RERE: variants seen among roughly 807,000 people sequenced by gnomAD.
The protein encoded by RERE is arginine-glutamic acid dipeptide repeats protein.
RERE carries 40 observed loss-of-function variants against 146.1 expected under a neutral mutation model. The ratio of observed to expected loss-of-function variants is 0.27; its 90% CI spans 0.21 to 0.36. The LOEUF (loss-of-function observed/expected upper bound fraction) is 0.36. Ranked by LOEUF, RERE falls within the 10% of genes least tolerant of loss-of-function variation. The probability of loss-of-function intolerance (pLI) is 1.00; values close to 1 mark genes in which losing one functional copy is unlikely to be tolerated. For synonymous variants in RERE, 1,003 were observed against 866.0 expected, an observed-to-expected ratio of 1.16 and a Z score of -2.78; for missense variants, 1,933 against 2,138.7, an observed-to-expected ratio of 0.90 and a Z score of 1.90.
intron 12 of RERE, among the ~76,000 whole-genome samples, chr1:8,391,270 G>A (rs1397089127): frequency 6.6e-6 from 1 of 152,096 alleles, no homozygotes; most frequent in Non-Finnish European, 1.5e-5. Context: ...GTACATACTT[G>A]GGTAAGTTAC....
intron 1 of RERE, among the ~76,000 whole-genome samples, chr1:8,737,708 T>TA (rs746809129): frequency 2.6e-5 from 4 of 152,070 alleles, no homozygotes; most frequent in Non-Finnish European, 5.9e-5. Flanking sequence ...AGTGCTAAGA[T>TA]AACAGGTGTG....
chr1:8,654,044 G>A (rs948318617), intron 2 of RERE, among the ~76,000 whole-genome samples: 3 of 148,998 alleles, frequency 2.0e-5, no homozygotes, highest in East Asian at 2.0e-4. Context: ...TTTTTTTTGC[G>A]GGGGGGAGGG....
Position 8,495,128 on chromosome 1 carries a change from C to T in RERE, c.1039G>A (p.Gly347Ser), listed in dbSNP as rs777632585. Reference protein sequence around the residue: ...MAAFAGMCDGGSTEDGCVAAS... With the variant: ...MAAFAGMCDGSSTEDGCVAAS... ...GCGACACAGCCGTCCTCTGTAGAGC[C>T]TCCATCACACATTCCTGCAAATGCC... The change falls in exon 10 of 23, where the codon GGC becomes AGC. Residue 347 changes from glycine (G) to serine (S), a missense_variant. Gly to Ser is a moderately conservative substitution (Grantham distance 56). Transcript: ENST00000400908. 1.2e-6 allele frequency: 2 copies of T among 1,613,950 alleles called. No individual in the cohort carries two copies. The highest frequency in any genetic ancestry group is 1.7e-6 in the Non-Finnish European group (2 of 1,179,880).
intron 10 of RERE, among the ~76,000 whole-genome samples, chr1:8,478,792 T>TA (rs1455050956): frequency 6.6e-6 from 1 of 152,198 alleles, no homozygotes; most frequent in Non-Finnish European, 1.5e-5. Context: ...GGGTCACTAA[T>TA]GAGCAACACC....
intron 11 of RERE, chr1:8,425,528 G>C (rs1474506734): frequency 6.6e-6 from 1 of 152,412 alleles, no homozygotes; most frequent in Admixed American, 6.5e-5. Context: ...GAGGTGGCTT[G>C]GTGACCGGGC....
At chr1:8,514,479 C>A (rs1645385192) in intron 7 of RERE, among the ~76,000 whole-genome samples, 2 of 152,154 alleles carry the variant, frequency 1.3e-5, no homozygotes, top group Non-Finnish European at 2.9e-5. Context: ...CCTGTAATCA[C>A]AGCATTTTGG....
intron 7 of RERE, among the ~76,000 whole-genome samples, chr1:8,509,442 G>A (rs60274621): frequency 0.032 from 4,658 of 147,550 alleles, 214 homozygotes; most frequent in African/African-American, 0.11. Flanking sequence ...CCATCCGTCC[G>A]TCCGTCCGTC....
At chr1:8,365,045 A>G (rs1461144369) in intron 13 of RERE, among the ~76,000 whole-genome samples, 1 of 152,242 alleles carries the variant, frequency 6.6e-6, no homozygotes, top group Admixed American at 6.5e-5. Context: ...GTCAGTCACC[A>G]GGACAGAGGG....
chr1:8,743,499 C>T (rs1223694432), intron 1 of RERE, among the ~76,000 whole-genome samples: 10 of 151,268 alleles, frequency 6.6e-5, no homozygotes, highest in Admixed American at 6.6e-4. Flanking sequence ...AACTCCTGGC[C>T]CCAAGGAATC....
chr1:8,721,310 C>CT (rs989494461), intron 1 of RERE, among the ~76,000 whole-genome samples: 14 of 151,972 alleles, frequency 9.2e-5, no homozygotes, highest in Non-Finnish European at 2.9e-5. Context: ...CCACTCAAGA[C>CT]TTTTTTATTA....
intron 1 of RERE, among the ~76,000 whole-genome samples, chr1:8,740,589 G>A (rs1042608753): frequency 2.0e-5 from 3 of 152,030 alleles, no homozygotes; most frequent in African/African-American, 4.8e-5. Flanking sequence ...AACACAACAC[G>A]AATACATTGT....
At chr1:8,442,853 A>G (rs952990355) in intron 11 of RERE, among the ~76,000 whole-genome samples, 6 of 152,308 alleles carry the variant, frequency 3.9e-5, no homozygotes, top group African/African-American at 1.4e-4. Flanking sequence ...CCAGGCTGAG[A>G]AGGTCTCAGA....
At position 8,553,694 on chromosome 1, in the gene RERE, T is replaced by C. The variant is rs576220032; in HGVS notation, c.725+2781A>G. 2.6e-5 allele frequency among the ~76,000 whole-genome samples: 4 copies of C among 152,318 alleles called. No individual in the cohort carries two copies. In the East Asian group the frequency reaches 7.7e-4, roughly 29 times the overall value. On this transcript the variant is annotated intron_variant, in intron 6 of 22. Transcript: ENST00000400908. ...AAAAAAAACTAATTAATGAGGATTA[T>C]AATTATATACCCAGTGAAAAGAAGA...
intron 1 of RERE, among the ~76,000 whole-genome samples, chr1:8,729,732 T>C (rs1270758215): frequency 6.6e-6 from 1 of 152,118 alleles, no homozygotes. Flanking sequence ...CTAAGGAGTG[T>C]GGGCTGGCTT....
At chr1:8,521,473 T>C (rs1645499829) in intron 7 of RERE, among the ~76,000 whole-genome samples, 1 of 152,138 alleles carries the variant, frequency 6.6e-6, no homozygotes, top group South Asian at 2.1e-4. Flanking sequence ...GAGACCTGCA[T>C]GCCTATTTTT....
At position 8,360,217 on chromosome 1, in the gene RERE, GCCT is replaced by G. The variant is rs943820825; in HGVS notation, c.3287_3289del (p.Glu1096del). 2 of 1,590,446 alleles carry G rather than the reference GCCT, an allele frequency of 1.3e-6. No individual in the cohort carries two copies. Among genetic ancestry groups the G allele is most frequent in the Non-Finnish European group, 8.6e-7 (1 of 1,169,552 alleles). The stretch of plus-strand genomic sequence containing the variant: ...CTCAGGCTCCTCAGCGTCGTCCAGA[GCCT>G]CCTCCTTGATCTGGACGGTGGGGAG... On this transcript the variant is annotated inframe_deletion, in exon 18 of 23. Transcript: ENST00000400908.
chr1:8,632,280 C>T (rs967907970), intron 2 of RERE, among the ~76,000 whole-genome samples: 3 of 152,298 alleles, frequency 2.0e-5, no homozygotes, highest in Non-Finnish European at 4.4e-5. Context: ...ACAAATTGCT[C>T]GTCTGATCTT....
intron 12 of RERE, among the ~76,000 whole-genome samples, chr1:8,421,797 T>TA (rs1643913698): frequency 6.6e-6 from 1 of 152,148 alleles, no homozygotes; most frequent in Non-Finnish European, 1.5e-5. Flanking sequence ...CTCCACTCCC[T>TA]AAAAAAGCAG....
chr1:8,511,733 T>C (rs1458833251), intron 7 of RERE: 3 of 152,024 alleles, frequency 2.0e-5, no homozygotes, highest in African/African-American at 7.2e-5. Context: ...CTGAACTAAG[T>C]ATCCCTCCCC....
Sources: allele counts gnomAD v4.1 joint callset (sites outside exome capture counted in the v4.1 genomes callset), GRCh38; gene constraint gnomAD v4.1.1; transcripts MANE v1.5; gene names NCBI Gene and HGNC (gene_info 2026-07-23, HGNC 2026-07-21).